The following HUWE1 variants were observed in gnomAD, a reference collection of about 807,000 sequenced individuals.
The protein encoded by HUWE1 is HECT, UBA and WWE domain containing E3 ubiquitin protein ligase 1.
A neutral mutation model predicts 299.4 loss-of-function variants in HUWE1; 18 were observed. The ratio of observed to expected loss-of-function variants is 0.06; its 90% confidence interval spans 0.04 to 0.09. The LOEUF (loss-of-function observed/expected upper bound fraction) is 0.09, where lower values mean the gene tolerates loss of function less well. HUWE1 is among the 10% of genes least tolerant of loss of function. The pLI is 1.00. For synonymous variants in HUWE1, 1,317 were observed against 1,286.1 expected (o/e 1.02, Z -0.51); for missense variants, 1,832 against 3,462.3 (o/e 0.53, Z 11.82).
chrX:53,552,312 C>T lies in HUWE1; in HGVS notation c.8880G>A (p.Ala2960=), dbSNP rs782412834. 31 of 1,211,254 alleles carry T rather than the reference C, an allele frequency of 2.6e-5. No homozygotes were observed. The highest frequency in any genetic ancestry group is 1.6e-4 in the South Asian group (9 of 56,943). Residue 2960 remains alanine, a splice_region_variant and synonymous_variant, in exon 63 of 84, where the codon GCG becomes GCA. Coordinates refer to ENST00000262854, the MANE Select transcript of HUWE1 (RefSeq NM_031407.7). The stretch of plus-strand genomic sequence containing the variant: ...GACCTGGGCATACACGGAACTCACC[C>T]GCAAGGGGATCTTCTTCTTCACTGC... The part of the protein sequence containing the change: ...STSSEEEDPL[A]GISLPEGVDP...
intron 43 of HUWE1, among the ~76,000 whole-genome samples, 176 bp downstream of exon 43, chrX:53,580,655 C>G (rs782089352): frequency 1.8e-5 from 2 of 112,143 alleles, no homozygotes; most frequent in African/African-American, 3.2e-5. Flanking sequence ...CAGGGCAAGG[C>G]CCAGAGAAGC....
chrX:53,626,953 C>A (rs1645412957), intron 17 of HUWE1, among the ~76,000 whole-genome samples: 1 of 111,341 alleles, frequency 9.0e-6, no homozygotes, highest in Non-Finnish European at 1.9e-5. Context: ...AACCTTTTTA[C>A]CTCTCCTTTC....
intron 6 of HUWE1, among the ~76,000 whole-genome samples, chrX:53,645,964 A>C (rs1466217297): frequency 1.8e-5 from 2 of 109,293 alleles, no homozygotes; most frequent in African/African-American, 3.3e-5. Context: ...TAACTGGACT[A>C]AAAGTATTGT....
At chrX:53,582,006 T>A (rs782374077) in intron 42 of HUWE1, among the ~76,000 whole-genome samples, 19 of 111,825 alleles carry the variant, frequency 1.7e-4, no homozygotes, top group Non-Finnish European at 3.0e-4. Context: ...CTACACCAAT[T>A]TCCACTCCTA....
At chrX:53,648,187 CT>C in intron 5 of HUWE1, 24 bp downstream of exon 5, 1 of 1,027,842 alleles carries the variant, frequency 9.7e-7, no homozygotes, top group Non-Finnish European at 1.4e-6. Context: ...TGAGTCCTGT[CT>C]TTTGGGAGCT....
At chrX:53,586,947 A>G (rs1307198098) in intron 37 of HUWE1, 38 bp from the exon 38 acceptor site, 1 of 1,188,658 alleles carries the variant, frequency 8.4e-7, no homozygotes, top group Admixed American at 2.2e-5. Flanking sequence ...ACAACCAGAT[A>G]CCAATTTCTA....
chrX:53,539,168 A>T, intron 75 of HUWE1, 88 bp from the exon 76 acceptor site: 1 of 981,352 alleles, frequency 1.0e-6, no homozygotes, highest in Admixed American at 2.5e-5. Context: ...AATTATAAAA[A>T]TAAATAAGGA....
chrX:53,662,881 T>A (rs781857660), intron 3 of HUWE1, among the ~76,000 whole-genome samples: 3 of 110,970 alleles, frequency 2.7e-5, no homozygotes, highest in Non-Finnish European at 5.7e-5. Context: ...GCAGATTCCT[T>A]AAACGAGACC....
chrX:53,600,163 G>C lies in HUWE1; in HGVS notation c.3118C>G (p.Pro1040Ala). Residue 1040 changes from proline to alanine, a missense_variant, in exon 29 of 84, where the codon CCA becomes GCA. Around this residue, in one of 15 missense-constraint regions of HUWE1, gnomAD observed 658 missense variants for 1,282.6 expected, o/e 0.51. Transcript: ENST00000262854. The part of the protein sequence containing the change: ...SDSKGKSKIT[P>A]AMAARIKQIK... ...TGCTTAATTCTGGCAGCCATTGCTG[G>C]TGTGATTTTAGATTTGCCCTTAGAG... The C allele has an allele frequency of 1.7e-6, 2 of 1,211,636 alleles. No individual in the cohort carries two copies. The highest frequency in any genetic ancestry group is 2.2e-6 in the Non-Finnish European group (2 of 895,186).
chrX:53,617,271 A>G, intron 20 of HUWE1, 69 bp downstream of exon 20: 1 of 970,058 alleles, frequency 1.0e-6, no homozygotes, highest in South Asian at 2.0e-5. Context: ...TAGATTCAAC[A>G]CTACACACAG....
Position 53,559,053 on chromosome X carries a change from C to T in HUWE1, c.7923G>A (p.Leu2641=), listed in dbSNP as rs1556938276. 6 of 1,162,445 alleles carry T rather than the reference C, an allele frequency of 5.2e-6. No homozygotes were observed. The Admixed American group carries it at 1.6e-4, about 30-fold the overall frequency. The change falls in exon 58 of 84, where the codon CTG becomes CTA. Residue 2641 remains leucine (L), a synonymous_variant. Coordinates refer to ENST00000262854, the MANE Select transcript of HUWE1 (RefSeq NM_031407.7). ...GGGTCAGGGCTGTGGGGATGCTGGACAGGGTTCCTGTAGGGACAGCAAAGG... is the reference window on the plus strand; with the variant it reads ...GGGTCAGGGCTGTGGGGATGCTGGATAGGGTTCCTGTAGGGACAGCAAAGG... The part of the protein sequence containing the change: ...QSTATSQAGT[L]SSIPTALTRW...
Position 53,565,256 on chromosome X carries a change from TAA to T in HUWE1, c.6708-19_6708-18del, listed in dbSNP as rs1338144151. On this transcript the variant is annotated intron_variant, in intron 49 of 83. Coordinates refer to ENST00000262854, the MANE Select transcript of HUWE1 (RefSeq NM_031407.7). ...ATGTTGGGACTGAGATAAGGGAAGA[TAA>T]AGAGATGGACTGAGCACAGAAATAC... 4.2e-6 allele frequency: 5 copies of T among 1,181,981 alleles called. No homozygotes were observed. Among genetic ancestry groups the T allele is most frequent in the Non-Finnish European group, 5.7e-6 (5 of 873,440 alleles).
intron 20 of HUWE1, 48 bp from the exon 21 acceptor site, chrX:53,617,195 T>C (rs1557008250): frequency 1.7e-6 from 2 of 1,144,786 alleles, no homozygotes; most frequent in Non-Finnish European, 2.4e-6. Flanking sequence ...AGAGTGTAGA[T>C]GCTAGGAAAA....
intron 17 of HUWE1, among the ~76,000 whole-genome samples, chrX:53,627,162 T>C (rs2066567621): frequency 9.0e-6 from 1 of 111,437 alleles, no homozygotes; most frequent in Non-Finnish European, 1.9e-5. Context: ...ATAAAACAGA[T>C]TAACACCACA....
chrX:53,632,363 T>C lies in HUWE1; in HGVS notation c.645+124A>G, dbSNP rs1230706470. 8.3e-5 allele frequency: 44 copies of C among 530,906 alleles called. No individual in the cohort carries two copies. In the East Asian group the frequency reaches 1.1e-3, roughly 13 times the overall value. 43.8% of individuals were successfully genotyped at this position (530,906 alleles called of 1,213,427 possible). ...CCTGAGGAGCTGCTAGGTATATTTATAGTTTGCGAGGGCAGCAGTGTAGCT... is the reference window on the plus strand; with the variant it reads ...CCTGAGGAGCTGCTAGGTATATTTACAGTTTGCGAGGGCAGCAGTGTAGCT... On this transcript the variant is annotated intron_variant, in intron 9 of 83. Coordinates refer to ENST00000262854, the MANE Select transcript of HUWE1 (RefSeq NM_031407.7).
At position 53,561,937 on chromosome X, in the gene HUWE1, T is replaced by C. The variant is rs781792069; in HGVS notation, c.7339-13A>G. On this transcript the variant is annotated splice_polypyrimidine_tract_variant and intron_variant, in intron 54 of 83. Transcript: ENST00000262854. ...CTTCATCATCCTCCTTAAGGGAAAA[T>C]AGGAGATGGAGAATTGCTGGAGGTA... is the stretch of plus-strand genomic sequence containing the variant. 12 of 1,209,077 alleles carry C rather than the reference T, an allele frequency of 9.9e-6. No homozygotes were observed. In the African/African-American group the frequency reaches 1.4e-4, roughly 14 times the overall value.
intron 17 of HUWE1, chrX:53,626,065 C>A: frequency 2.7e-6 from 1 of 368,808 alleles, no homozygotes; most frequent in Admixed American, 2.7e-5. Flanking sequence ...AAGAAACTTA[C>A]TAGAATAAAA....
Position 53,584,228 on chromosome X carries a change from T to C in HUWE1, c.5119A>G (p.Ser1707Gly). The C allele has an allele frequency of 8.3e-7, 1 of 1,209,874 alleles. No individual in the cohort carries two copies. The highest frequency in any genetic ancestry group is 1.1e-6 in the Non-Finnish European group (1 of 893,695). The change falls in exon 41 of 84, where the codon AGC becomes GGC. Residue 1707 changes from serine (S) to glycine (G), a missense_variant. Physicochemically the swap from Ser to Gly is moderately conservative, Grantham distance 56. Around this residue, in one of 15 missense-constraint regions of HUWE1, gnomAD observed 46 missense variants for 42.6 expected, o/e 1.08. Transcript: ENST00000262854. ...GQELEKTLEE[S>G]KEMDIKRKEN... is the part of the protein sequence containing the mutation. ...TTACGTTTGATATCCATTTCTTTGC[T>C]TTCTTCCAGCGTCTTCTCTAGTTCC...
chrX:53,575,625 C>T lies in HUWE1; in HGVS notation c.6030+18G>A, dbSNP rs2063068965. The T allele has an allele frequency of 8.3e-7, 1 of 1,205,881 alleles. No individual in the cohort carries two copies. Among genetic ancestry groups the T allele is most frequent in the Admixed American group, 2.2e-5 (1 of 46,009 alleles). On this transcript the variant is annotated intron_variant, in intron 45 of 83. Transcript: ENST00000262854. ...GAAAAATGAGAAGAAAGATAAAACG[C>T]TGTTGGAATTGACTTACATTAATGG...
Sources: allele counts gnomAD v4.1 joint callset (sites outside exome capture counted in the v4.1 genomes callset), GRCh38; gene constraint gnomAD v4.1.1; regional missense constraint gnomAD v4.1.1; transcripts MANE v1.5; gene names NCBI Gene and HGNC (gene_info 2026-07-23, HGNC 2026-07-21).